DLG2: variants seen among roughly 807,000 people sequenced by gnomAD.
DLG2 encodes disks large homolog 2.
A neutral mutation model predicts 132.5 loss-of-function variants in DLG2; 45 were observed. That is an observed-to-expected ratio of 0.34 (90% CI 0.27 to 0.44). DLG2 has a LOEUF of 0.44. Among genes scored for constraint, DLG2 ranks in the 20% least tolerant of loss-of-function variants. The pLI is 1.00. For missense variants in DLG2, 1,045 were observed against 1,196.9 expected, an observed-to-expected ratio of 0.87 and a Z score of 1.87; for synonymous variants, 424 against 419.6, an observed-to-expected ratio of 1.01 and a Z score of -0.13.
chr11:83,803,195 T>C (rs891949425), intron 17 of DLG2, among the ~76,000 whole-genome samples: 8 of 152,114 alleles, frequency 5.3e-5, no homozygotes, highest in African/African-American at 1.9e-4. Flanking sequence ...GTGCCAGTCA[T>C]TGTGCTATTT....
chr11:84,819,985 GA>G (rs1486607693), intron 6 of DLG2, among the ~76,000 whole-genome samples: 1 of 150,832 alleles, frequency 6.6e-6, no homozygotes, highest in African/African-American at 2.4e-5. Context: ...GGATTTCCAG[GA>G]AAAATTCTAC....
intron 15 of DLG2, among the ~76,000 whole-genome samples, chr11:83,898,687 C>G (rs2072515055): frequency 1.3e-5 from 2 of 152,092 alleles, no homozygotes; most frequent in Non-Finnish European, 2.9e-5. Flanking sequence ...CTCCAACTAC[C>G]TCTATCCTTC....
intron 5 of DLG2, among the ~76,000 whole-genome samples, chr11:85,143,754 T>C (rs1447026542): frequency 6.6e-6 from 1 of 151,922 alleles, no homozygotes; most frequent in African/African-American, 2.4e-5. Flanking sequence ...CCTCTTCTTA[T>C]TGATTTTTAG....
chr11:85,022,052 A>T (rs1020895963), intron 6 of DLG2, among the ~76,000 whole-genome samples: 1 of 152,086 alleles, frequency 6.6e-6, no homozygotes, highest in Non-Finnish European at 1.5e-5. Context: ...AAAATTGCAT[A>T]AAAAGGAAAT....
chr11:84,023,090 T>C (rs575389824), intron 11 of DLG2, among the ~76,000 whole-genome samples: 2 of 152,212 alleles, frequency 1.3e-5, no homozygotes, highest in Admixed American at 1.3e-4. Flanking sequence ...CCCATGGTCT[T>C]TGGGGAGTGG....
chr11:83,597,786 AAAACAAACAAAC>A (rs56172449), intron 19 of DLG2, among the ~76,000 whole-genome samples: 5,090 of 150,922 alleles, frequency 0.034, 295 homozygotes, highest in African/African-American at 0.12. Context: ...TCCCTGTCTC[AAAACAAACAAAC>A]AAACAAACAA....
At chr11:83,826,656 C>G (rs2052878105) in intron 17 of DLG2, among the ~76,000 whole-genome samples, 1 of 152,168 alleles carries the variant, frequency 6.6e-6, no homozygotes, top group Non-Finnish European at 1.5e-5. Context: ...AAAACAGCAT[C>G]AACTCCACTT....
chr11:85,218,324 G>T (rs1565173960), intron 4 of DLG2, among the ~76,000 whole-genome samples: 1 of 152,114 alleles, frequency 6.6e-6, no homozygotes, highest in Non-Finnish European at 1.5e-5. Context: ...TCCTATGCAA[G>T]AACAAATATC....
At chr11:84,279,265 G>C (rs931825130) in intron 7 of DLG2, among the ~76,000 whole-genome samples, 1 of 152,124 alleles carries the variant, frequency 6.6e-6, no homozygotes, top group Non-Finnish European at 1.5e-5. Flanking sequence ...ACCACAATGA[G>C]ATACCATCTC....
chr11:83,538,887 C>T (rs997785373), intron 20 of DLG2, among the ~76,000 whole-genome samples: 1 of 152,184 alleles, frequency 6.6e-6, no homozygotes, highest in African/African-American at 2.4e-5. Flanking sequence ...CCAAGCAATG[C>T]TTGCTGAATT....
At chr11:85,519,427 G>T (rs2074096745) in intron 3 of DLG2, among the ~76,000 whole-genome samples, 1 of 152,140 alleles carries the variant, frequency 6.6e-6, no homozygotes, top group Non-Finnish European at 1.5e-5. Context: ...CTGGATTTCG[G>T]ACTTGCATGG....
chr11:83,529,057 GCTC>G (rs1481076273), intron 21 of DLG2, among the ~76,000 whole-genome samples: 1 of 152,078 alleles, frequency 6.6e-6, no homozygotes, highest in East Asian at 1.9e-4. Flanking sequence ...TTTAATCTAA[GCTC>G]CTCCAGGGCA....
At chr11:83,969,683 C>G (rs1342904698) in intron 12 of DLG2, among the ~76,000 whole-genome samples, 1 of 152,140 alleles carries the variant, frequency 6.6e-6, no homozygotes, top group African/African-American at 2.4e-5. Flanking sequence ...AAGCAATTCT[C>G]CTGCCTCAGC....
At chr11:84,143,953 T>G (rs897534914) in intron 9 of DLG2, among the ~76,000 whole-genome samples, 1 of 152,140 alleles carries the variant, frequency 6.6e-6, no homozygotes, top group Non-Finnish European at 1.5e-5. Flanking sequence ...AAAGTCTTGA[T>G]GAAGAAGAGA....
intron 7 of DLG2, among the ~76,000 whole-genome samples, chr11:84,468,829 A>C (rs1433351413): frequency 6.6e-6 from 1 of 151,642 alleles, no homozygotes; most frequent in African/African-American, 2.4e-5. Context: ...TTTGCTTTAA[A>C]TGTTTTAATC....
At chr11:84,833,328 C>G (rs1190866191) in intron 6 of DLG2, among the ~76,000 whole-genome samples, 1 of 151,594 alleles carries the variant, frequency 6.6e-6, no homozygotes, top group African/African-American at 2.4e-5. Flanking sequence ...CAGAGCTTCA[C>G]TTCAGCAGGA....
intron 18 of DLG2, chr11:83,692,051 G>A (rs2081091424): frequency 6.6e-6 from 1 of 152,210 alleles, no homozygotes; most frequent in East Asian, 1.9e-4. Flanking sequence ...GAGGAACTAA[G>A]CAGTGTATAT....
intron 6 of DLG2, among the ~76,000 whole-genome samples, chr11:84,539,439 A>G (rs1481828332): frequency 6.6e-6 from 1 of 152,180 alleles, no homozygotes; most frequent in Admixed American, 6.5e-5. Context: ...GTAGGTACTA[A>G]TGTCATTCTG....
intron 7 of DLG2, among the ~76,000 whole-genome samples, chr11:84,474,284 T>C (rs61688176): frequency 0.1 from 15,416 of 152,126 alleles, 826 homozygotes; most frequent in South Asian, 0.17. Context: ...AGTTTACAGA[T>C]GCACCCAACA....
Sources: allele counts gnomAD v4.1 joint callset (sites outside exome capture counted in the v4.1 genomes callset), GRCh38; gene constraint gnomAD v4.1.1; transcripts MANE v1.5; gene names NCBI Gene and HGNC (gene_info 2026-07-23, HGNC 2026-07-21).